TBX15: variants seen among roughly 807,000 people sequenced by gnomAD.
TBX15 encodes the protein T-box transcription factor 15.
In TBX15, 18 loss-of-function variants were observed where a neutral mutation model predicts 53.9. The ratio of observed to expected loss-of-function variants is 0.33; its 90% CI spans 0.23 to 0.49. The LOEUF is 0.49. Ranked by LOEUF, TBX15 falls within the 20% of genes least tolerant of loss-of-function variation. TBX15 has a pLI of 0.98. For missense variants in TBX15, 692 were observed against 749.5 expected, an observed-to-expected ratio of 0.92 and a Z score of 0.90; for synonymous variants, 295 against 278.0, an observed-to-expected ratio of 1.06 and a Z score of -0.61.
Position 118,924,500 on chromosome 1 carries a change from A to G in TBX15, c.693+146T>C, listed in dbSNP as rs75248344. ...AATAAATGGAATTTAACTGGAAAAA[A>G]ACACTTTTATGCTTACTTACTTAAA... is the stretch of plus-strand genomic sequence containing the variant. On this transcript the variant is annotated intron_variant, in intron 4 of 7. Coordinates refer to ENST00000369429, the MANE Select transcript of TBX15 (RefSeq NM_001330677.2). The G allele has an allele frequency of 8.7e-4, 842 of 968,286 alleles. 10 individuals are homozygous for G. In the African/African-American group the frequency reaches 0.012, roughly 14 times the overall value. 60.0% of individuals were successfully genotyped at this position (968,286 alleles called of 1,614,324 possible).
In TBX15 at chr1:118,931,700, A is replaced by G. The variant is rs1401118627; in HGVS notation, c.338T>C (p.Ile113Thr). 5 of 1,614,032 alleles carry G rather than the reference A, an allele frequency of 3.1e-6. No individual in the cohort carries two copies. Among genetic ancestry groups the G allele is most frequent in the Non-Finnish European group, 3.4e-6 (4 of 1,179,954 alleles). Residue 113 changes from isoleucine to threonine, a missense_variant, in exon 2 of 8, where the codon ATT (isoleucine) becomes ACT (threonine). Coordinates refer to ENST00000369429, the MANE Select transcript of TBX15 (RefSeq NM_001330677.2). ...VPAAMSSMEE[I>T]QVELQCADLW... ...GTCAGCACATTGCAGCTCCACCTGA[A>G]TCTCCTCCATGGAAGACATGGCAGC...
intron 1 of TBX15, among the ~76,000 whole-genome samples, chr1:118,949,106 C>T (rs1401340851): frequency 6.6e-6 from 1 of 152,114 alleles, no homozygotes; most frequent in Admixed American, 6.5e-5. Flanking sequence ...CCAATCCAAG[C>T]TCATAGGGAA....
chr1:118,969,084 T>C (rs1197725806), intron 1 of TBX15, among the ~76,000 whole-genome samples: 1 of 152,178 alleles, frequency 6.6e-6, no homozygotes, highest in Non-Finnish European at 1.5e-5. Context: ...GGCACAGCAG[T>C]CAGATCTCTT....
At chr1:118,924,183 G>T (rs1332954163) in intron 4 of TBX15, among the ~76,000 whole-genome samples, 1 of 152,202 alleles carries the variant, frequency 6.6e-6, no homozygotes, top group Admixed American at 6.5e-5. Flanking sequence ...CACTGCCAAA[G>T]ATAAATTAAT....
chr1:118,952,949 C>T (rs1244726386), intron 1 of TBX15, among the ~76,000 whole-genome samples: 2 of 152,066 alleles, frequency 1.3e-5, no homozygotes, highest in Non-Finnish European at 2.9e-5. Context: ...TTAGATCCAC[C>T]CACAGCTCAG....
chr1:118,932,904 C>T (rs1210673116), intron 1 of TBX15, among the ~76,000 whole-genome samples: 3 of 152,160 alleles, frequency 2.0e-5, no homozygotes. Flanking sequence ...ATTTCTCTAA[C>T]CCACCCTTAA....
chr1:118,929,856 CA>C (rs11315618), intron 2 of TBX15, among the ~76,000 whole-genome samples: 112,824 of 151,244 alleles, frequency 0.75, 42,602 homozygotes, highest in East Asian at 0.86. Context: ...ATCTTATAGA[CA>C]AAAAAAAAAT....
At chr1:118,978,455 T>C (rs1423066586) in intron 1 of TBX15, among the ~76,000 whole-genome samples, 3 of 152,208 alleles carry the variant, frequency 2.0e-5, no homozygotes, top group Non-Finnish European at 4.4e-5. Flanking sequence ...CTTGTCTCCC[T>C]CACTTCACAA....
intron 1 of TBX15, among the ~76,000 whole-genome samples, chr1:118,976,250 C>G (rs1398468791): frequency 6.6e-6 from 1 of 152,144 alleles, no homozygotes; most frequent in Non-Finnish European, 1.5e-5. Context: ...CCCCGACATT[C>G]AGCTCAGTTA....
At chr1:118,918,571 T>C (rs1048035648) in intron 5 of TBX15, among the ~76,000 whole-genome samples, 3 of 152,202 alleles carry the variant, frequency 2.0e-5, no homozygotes, top group African/African-American at 4.8e-5. Flanking sequence ...CTTTGTCCAG[T>C]GATAATGAGA....
At chr1:118,915,513 C>T (rs1163225455) in intron 5 of TBX15, among the ~76,000 whole-genome samples, 1 of 152,180 alleles carries the variant, frequency 6.6e-6, no homozygotes, top group Non-Finnish European at 1.5e-5. Context: ...AATTATGCAG[C>T]ACCAACAATG....
intron 7 of TBX15, among the ~76,000 whole-genome samples, chr1:118,892,586 A>G (rs1027927039): frequency 6.6e-6 from 1 of 152,238 alleles, no homozygotes; most frequent in Non-Finnish European, 1.5e-5. Flanking sequence ...AGGAAAAACA[A>G]TGGTGTGATC....
rs1439389092 is a variant in TBX15 at position 118,914,117 on chromosome 1, G to A, written c.924C>T (p.Asn308=). Residue 308 remains asparagine, a splice_region_variant and synonymous_variant, in exon 6 of 8, where the codon AAC becomes AAT. Transcript: ENST00000369429. ...GCCTCTTCCCCAGTGATTCTTACCT[G>A]TTTCTCCCAGAATCTCTGAATCCTT... ...FAKGFRDSGR[N]RTGLEAIMET... 6.2e-7 allele frequency: 1 copy of A among 1,613,608 alleles called. No individual in the cohort carries two copies. The highest frequency in any genetic ancestry group is 8.5e-7 in the Non-Finnish European group (1 of 1,179,762).
At chr1:118,918,327 T>C (rs778420720) in intron 5 of TBX15, among the ~76,000 whole-genome samples, 4 of 152,182 alleles carry the variant, frequency 2.6e-5, no homozygotes, top group Non-Finnish European at 4.4e-5. Flanking sequence ...TAGTGTGACA[T>C]GCTCATTGAA....
intron 7 of TBX15, among the ~76,000 whole-genome samples, chr1:118,888,466 A>G (rs956462614): frequency 6.6e-6 from 1 of 152,190 alleles, no homozygotes; most frequent in Non-Finnish European, 1.5e-5. Context: ...TATACAGCTG[A>G]ATGGCCAGGC....
At chr1:118,897,476 C>A (rs1236092255) in intron 7 of TBX15, among the ~76,000 whole-genome samples, 1 of 152,180 alleles carries the variant, frequency 6.6e-6, no homozygotes, top group Non-Finnish European at 1.5e-5. Flanking sequence ...TTAGCTAGAG[C>A]TTGGAAAGGC....
Position 118,884,762 on chromosome 1 carries a change from G to C in TBX15, c.1779C>G (p.Ser593=), listed in dbSNP as rs908099540. Residue 593 remains serine, a synonymous_variant, in exon 8 of 8, where the codon TCC becomes TCG. Transcript: ENST00000369429. The stretch of plus-strand genomic sequence containing the variant: ...CCATGTGCACGGACATCTGGGAGGA[G>C]GAGCCTGGAACTGCCCCATACTGCC... ...DGRQYGAVPG[S]SSQMSVHMV is the part of the protein sequence containing the mutation. 3 of 1,614,118 alleles carry C rather than the reference G, an allele frequency of 1.9e-6. No homozygotes were observed. Among genetic ancestry groups the C allele is most frequent in the Non-Finnish European group, 2.5e-6 (3 of 1,180,014 alleles).
At chr1:118,975,238 C>T (rs1657386131) in intron 1 of TBX15, among the ~76,000 whole-genome samples, 1 of 152,162 alleles carries the variant, frequency 6.6e-6, no homozygotes, top group Admixed American at 6.5e-5. Context: ...GCACGTGTGC[C>T]ATTCCAAAGA....
At chr1:118,909,033 G>A (rs1280586631) in intron 6 of TBX15, among the ~76,000 whole-genome samples, 2 of 152,168 alleles carry the variant, frequency 1.3e-5, no homozygotes, top group East Asian at 3.9e-4. Flanking sequence ...AGTCTGAAGG[G>A]TGGAGACCTT....
Sources: gnomAD v4.1 joint callset for allele counts (sites outside exome capture counted in the v4.1 genomes callset) on GRCh38, gnomAD v4.1.1 for gene constraint, MANE v1.5 for transcripts, NCBI Gene and HGNC (gene_info 2026-07-23, HGNC 2026-07-21) for gene names.